The following GRM5 variants were observed in gnomAD, a reference collection of about 807,000 sequenced individuals.
GRM5 encodes metabotropic glutamate receptor 5.
Under a neutral mutation model 83.1 loss-of-function variants are expected in GRM5, and 19 were observed. The observed-to-expected ratio is 0.23, with a 90% CI of 0.16 to 0.34. The LOEUF (loss-of-function observed/expected upper bound fraction) is 0.34, where lower values mean the gene tolerates loss of function less well. Among genes scored for constraint, GRM5 ranks in the 10% least tolerant of loss-of-function variants. GRM5 has a pLI of 1.00. For missense variants in GRM5, 1,160 were observed against 1,588.3 expected (o/e 0.73, Z 4.58); for synonymous variants, 675 against 633.6 (o/e 1.07, Z -0.98).
chr11:88,833,006 A>C (rs1374191021), intron 3 of GRM5, among the ~76,000 whole-genome samples: 14 of 151,982 alleles, frequency 9.2e-5, no homozygotes, highest in Non-Finnish European at 1.5e-4. Flanking sequence ...AAACTATAAA[A>C]CTACTAAAAG....
intron 4 of GRM5, among the ~76,000 whole-genome samples, chr11:88,639,574 T>C: frequency 6.6e-6 from 1 of 151,954 alleles, no homozygotes; most frequent in East Asian, 1.9e-4. Context: ...GTAAGCCTCA[T>C]GATAATCTGC....
chr11:88,678,790 G>A (rs1940401997), intron 3 of GRM5, among the ~76,000 whole-genome samples: 1 of 152,052 alleles, frequency 6.6e-6, no homozygotes, highest in Admixed American at 6.6e-5. Context: ...CAGATCCAAA[G>A]ATGAGTGGTA....
At chr11:89,061,564 T>C (rs1322950670) in intron 1 of GRM5, among the ~76,000 whole-genome samples, 1 of 152,208 alleles carries the variant, frequency 6.6e-6, no homozygotes, top group Non-Finnish European at 1.5e-5. Flanking sequence ...AGAGCCAAAA[T>C]TAAAAATGGT....
intron 1 of GRM5, among the ~76,000 whole-genome samples, chr11:89,049,412 T>C (rs529809135): frequency 3.3e-5 from 5 of 152,340 alleles, no homozygotes; most frequent in African/African-American, 1.2e-4. Context: ...TTATCAACTT[T>C]GCCAGCCAAG....
In GRM5 at chr11:88,508,699, T is replaced by G. The variant is rs1257684874; in HGVS notation, c.3532A>C (p.Thr1178Pro). 2 of 1,604,234 alleles carry G rather than the reference T, an allele frequency of 1.2e-6. No individual in the cohort carries two copies. Among genetic ancestry groups the G allele is most frequent in the African/African-American group, 2.7e-5 (2 of 73,496 alleles). ...TCGGACACTGGCGAGTTGGGGGTTG[T>G]GCTCCCCGAGTCCACCGAGTCTCTG... ...PFRDSVDSGSTTPNSPVSESA... is the reference protein window; with the variant it reads ...PFRDSVDSGSPTPNSPVSESA... The change falls in exon 10 of 10, where the codon ACA becomes CCA. Residue 1178 changes from threonine to proline, a missense_variant. By Grantham distance (38) the Thr-to-Pro change is conservative. Transcript: ENST00000305447. The surrounding 1 kb of genome is among the most constrained non-coding windows in gnomAD (Gnocchi z 4.2).
intron 2 of GRM5, among the ~76,000 whole-genome samples, chr11:88,883,403 G>A (rs1476791887): frequency 6.6e-6 from 1 of 152,096 alleles, no homozygotes; most frequent in Admixed American, 6.5e-5. Flanking sequence ...AAAAGACTGT[G>A]GGCATTTTGT....
intron 3 of GRM5, among the ~76,000 whole-genome samples, chr11:88,795,837 C>G (rs941226639): frequency 6.6e-6 from 1 of 152,070 alleles, no homozygotes; most frequent in East Asian, 1.9e-4. Flanking sequence ...GAGAAAACAA[C>G]GAGTTTAATA....
At chr11:89,039,402 A>C (rs1243848536) in intron 2 of GRM5, among the ~76,000 whole-genome samples, 1 of 152,116 alleles carries the variant, frequency 6.6e-6, no homozygotes, top group African/African-American at 2.4e-5. Context: ...TCTTTCCTCA[A>C]CTGAGGTTTA....
chr11:88,609,892 T>C (rs11020643), intron 4 of GRM5, among the ~76,000 whole-genome samples: 33,180 of 152,112 alleles, frequency 0.22, 3,637 homozygotes, highest in Middle Eastern at 0.26. Context: ...TTTAATCCAT[T>C]TTGAGTTAAT....
chr11:89,026,952 C>T (rs1274548193), intron 2 of GRM5, among the ~76,000 whole-genome samples: 1 of 152,144 alleles, frequency 6.6e-6, no homozygotes, highest in Admixed American at 6.5e-5. Flanking sequence ...AATGATTGCA[C>T]ATGGGACAGA....
intron 3 of GRM5, among the ~76,000 whole-genome samples, chr11:88,803,074 T>TA (rs1245406542): frequency 1.4e-5 from 2 of 141,302 alleles, no homozygotes; most frequent in Non-Finnish European, 3.0e-5. Context: ...TGCTCATGGG[T>TA]AGGAAGAATC....
intron 2 of GRM5, among the ~76,000 whole-genome samples, chr11:88,850,471 A>G (rs1944371063): frequency 6.6e-6 from 1 of 152,120 alleles, no homozygotes; most frequent in Admixed American, 6.5e-5. Flanking sequence ...GGAAATATTT[A>G]TCTGCTATTT....
chr11:88,755,275 C>A (rs1942373110), intron 3 of GRM5, among the ~76,000 whole-genome samples: 1 of 151,998 alleles, frequency 6.6e-6, no homozygotes. Context: ...AGAGAAGGTA[C>A]AAGATGCCGT....
intron 3 of GRM5, among the ~76,000 whole-genome samples, chr11:88,759,780 T>A (rs1217127607): frequency 6.6e-6 from 1 of 152,022 alleles, no homozygotes; most frequent in African/African-American, 2.4e-5. Context: ...ATATATTCTT[T>A]GATTGCCACA....
intron 8 of GRM5, among the ~76,000 whole-genome samples, chr11:88,529,132 C>T (rs1381690173): frequency 2.0e-5 from 3 of 151,822 alleles, no homozygotes; most frequent in Non-Finnish European, 4.4e-5. Context: ...CCTTTAGGTC[C>T]CTATGCCTGT....
At chr11:88,570,552 T>C (rs1313117704) in intron 7 of GRM5, among the ~76,000 whole-genome samples, 1 of 73,746 alleles carries the variant, frequency 1.4e-5, no homozygotes, top group Admixed American at 1.3e-4. Flanking sequence ...GTATTAATAA[T>C]ATATATATAT....
chr11:88,783,659 G>A lies in GRM5; in HGVS notation c.911+66247C>T, dbSNP rs529016639. ...CCCTCTCTCTCTCTGGAAAATGAAG[G>A]CAACTCTACCCATACTCATCTTGGA... On this transcript the variant is annotated intron_variant, in intron 3 of 9. Coordinates refer to ENST00000305447, the MANE Select transcript of GRM5 (RefSeq NM_001143831.3). Among the ~76,000 whole-genome samples the A allele has an allele frequency of 2.0e-5, 3 of 152,030 alleles. No individual in the cohort carries two copies. The East Asian group carries it at 5.8e-4, about 29-fold the overall frequency.
chr11:88,707,913 A>G (rs1941198587), intron 3 of GRM5, among the ~76,000 whole-genome samples: 1 of 152,038 alleles, frequency 6.6e-6, no homozygotes, highest in Non-Finnish European at 1.5e-5. Flanking sequence ...CAAACTTATA[A>G]TTACTCTGTT....
At chr11:88,511,773 T>C (rs1941376937) in intron 9 of GRM5, 1 of 152,254 alleles carries the variant, frequency 6.6e-6, no homozygotes, top group South Asian at 2.1e-4. Flanking sequence ...TTCTGGAACA[T>C]GGCAGAGAAG....
Sources: allele counts gnomAD v4.1 joint callset (sites outside exome capture counted in the v4.1 genomes callset), GRCh38; gene constraint gnomAD v4.1.1; non-coding constraint Gnocchi (gnomAD v3.1); transcripts MANE v1.5; gene names NCBI Gene and HGNC (gene_info 2026-07-23, HGNC 2026-07-21).